Variants in KIAA1217 observed in about 807,000 individuals in gnomAD.
The protein encoded by KIAA1217 is KIAA1217, also known as sickle tail protein homolog.
Under a neutral mutation model 163.9 loss-of-function variants are expected in KIAA1217, and 88 were observed. That is an observed-to-expected ratio of 0.54 (90% CI 0.45 to 0.64). KIAA1217 has a LOEUF of 0.64. KIAA1217 is among the 30% of genes least tolerant of loss of function. The probability of loss-of-function intolerance (pLI) is 0.00; values close to 1 mark genes in which losing one functional copy is unlikely to be tolerated. For synonymous variants in KIAA1217, 903 were observed against 923.1 expected (o/e 0.98, Z 0.39); for missense variants, 2,372 against 2,475.0 (o/e 0.96, Z 0.88).
At chr10:24,233,960 G>T (rs574754580) in intron 2 of KIAA1217, among the ~76,000 whole-genome samples, 1 of 152,120 alleles carries the variant, frequency 6.6e-6, no homozygotes, top group South Asian at 2.1e-4. Context: ...TATAAGTTAT[G>T]TCTTTAACAT....
intron 5 of KIAA1217, 84 bp downstream of exon 5, chr10:24,438,563 C>T: frequency 3.3e-6 from 3 of 901,940 alleles, no homozygotes; most frequent in East Asian, 2.4e-5. Flanking sequence ...GTAATCAGAA[C>T]TCTACAACTG....
chr10:24,219,539 C>A, intron 1 of KIAA1217, 87 bp from the exon 2 acceptor site: 1 of 1,105,404 alleles, frequency 9.0e-7, no homozygotes, highest in Non-Finnish European at 1.2e-6. Flanking sequence ...CATACATTAA[C>A]AACTGCCGCA....
At chr10:24,033,555 T>C (rs1399378030) in intron 2 of KIAA1217, among the ~76,000 whole-genome samples, 1 of 152,200 alleles carries the variant, frequency 6.6e-6, no homozygotes, top group African/African-American at 2.4e-5. Flanking sequence ...CTCAAGTCCC[T>C]CAATGTGATA....
At chr10:23,810,629 T>C (rs1836968876) in intron 1 of KIAA1217, among the ~76,000 whole-genome samples, 2 of 129,952 alleles carry the variant, frequency 1.5e-5, no homozygotes, top group Non-Finnish European at 3.1e-5. Flanking sequence ...TAGTGTCTTA[T>C]ATATAATAAA....
intron 1 of KIAA1217, among the ~76,000 whole-genome samples, chr10:23,790,764 C>T (rs1835909763): frequency 6.6e-6 from 1 of 151,008 alleles, no homozygotes; most frequent in Non-Finnish European, 1.5e-5. Context: ...GACAGGGTCT[C>T]CCTCTGTCAC....
In KIAA1217 at chr10:24,386,640, C is replaced by G. The variant is rs1484453864; in HGVS notation, c.553+5573C>G. 2.0e-5 allele frequency among the ~76,000 whole-genome samples: 3 copies of G among 152,264 alleles called. No homozygotes were observed. The East Asian group carries it at 5.8e-4, about 29-fold the overall frequency. On this transcript the variant is annotated intron_variant, in intron 3 of 20. Coordinates refer to ENST00000376454, the MANE Select transcript of KIAA1217 (RefSeq NM_019590.5). ...CCAGGCTGGAGTACAGTGGCACAAA[C>G]ATAGCTCACTGCAGCCTTGAAGTCC...
chr10:24,302,661 A>G (rs1305267523), intron 2 of KIAA1217, among the ~76,000 whole-genome samples: 1 of 152,198 alleles, frequency 6.6e-6, no homozygotes, highest in Non-Finnish European at 1.5e-5. Flanking sequence ...AAACCAATAG[A>G]TGGCATGCAG....
intron 2 of KIAA1217, among the ~76,000 whole-genome samples, chr10:24,121,407 C>T (rs2063277076): frequency 6.6e-6 from 1 of 152,154 alleles, no homozygotes; most frequent in African/African-American, 2.4e-5. Context: ...TGATTAAGCC[C>T]TTGTAGCTTA....
intron 6 of KIAA1217, among the ~76,000 whole-genome samples, chr10:24,491,286 C>CT (rs1169407580): frequency 0.037 from 4,255 of 114,698 alleles, 204 homozygotes; most frequent in African/African-American, 0.078. Context: ...TTTTTTTTTC[C>CT]TTTTTTTTTT....
intron 1 of KIAA1217, among the ~76,000 whole-genome samples, chr10:23,945,920 T>G (rs1209580322): frequency 6.6e-6 from 1 of 152,176 alleles, no homozygotes; most frequent in African/African-American, 2.4e-5. Context: ...CTACCTGTTT[T>G]CAGCTCCTAG....
At chr10:23,737,365 A>ATTTTT (rs10676755) in intron 1 of KIAA1217, among the ~76,000 whole-genome samples, 43 of 149,726 alleles carry the variant, frequency 2.9e-4, no homozygotes, top group Middle Eastern at 3.4e-3. Context: ...TGCCTAGCTA[A>ATTTTT]TTTTTTTTTA....
intron 17 of KIAA1217, among the ~76,000 whole-genome samples, chr10:24,539,298 A>G (rs762166009): frequency 5.1e-4 from 77 of 151,546 alleles, no homozygotes; most frequent in Non-Finnish European, 9.3e-4. Context: ...GCGCCATCTC[A>G]GCTCACTGCA....
chr10:24,008,587 C>T (rs1847110222), intron 2 of KIAA1217, among the ~76,000 whole-genome samples: 1 of 152,204 alleles, frequency 6.6e-6, no homozygotes, highest in East Asian at 1.9e-4. Flanking sequence ...TAGGTAGGTC[C>T]TGTTTAGTCT....
intron 10 of KIAA1217, among the ~76,000 whole-genome samples, chr10:24,515,852 A>G (rs11014133): frequency 0.018 from 2,766 of 152,266 alleles, 146 homozygotes; most frequent in East Asian, 0.14. Flanking sequence ...TGGGAGAATC[A>G]CTTGGGACCA....
Position 24,356,449 on chromosome 10 carries a change from C to A in KIAA1217, c.355-24420C>A, listed in dbSNP as rs146732839. Reference sequence around the variant, plus strand: ...TAGAGCTCCTGCCCATTAGTCTAGGCCTTCCTTGATAATAACCTTGTGGGG... The same window carrying A: ...TAGAGCTCCTGCCCATTAGTCTAGGACTTCCTTGATAATAACCTTGTGGGG... On this transcript the variant is annotated intron_variant, in intron 2 of 20. Transcript: ENST00000376454. Among the ~76,000 whole-genome samples, 11 of 152,318 alleles carry A rather than the reference C, an allele frequency of 7.2e-5. No homozygotes were observed. In the East Asian group the frequency reaches 2.1e-3, roughly 29 times the overall value.
At chr10:23,736,676 C>G (rs1838823334) in intron 1 of KIAA1217, among the ~76,000 whole-genome samples, 1 of 152,132 alleles carries the variant, frequency 6.6e-6, no homozygotes, top group Non-Finnish European at 1.5e-5. Flanking sequence ...GGACATACCA[C>G]CATGCCTGGC....
intron 1 of KIAA1217, among the ~76,000 whole-genome samples, chr10:23,895,208 C>T (rs1000032319): frequency 2.0e-5 from 3 of 151,886 alleles, no homozygotes; most frequent in African/African-American, 4.8e-5. Flanking sequence ...ACAGGCAACC[C>T]ACAAAATGGG....
At chr10:24,130,593 T>C (rs1296702931) in intron 2 of KIAA1217, among the ~76,000 whole-genome samples, 3 of 152,206 alleles carry the variant, frequency 2.0e-5, no homozygotes, top group Non-Finnish European at 4.4e-5. Context: ...AGTTCCTGCA[T>C]TCTTAATTGA....
intron 2 of KIAA1217, among the ~76,000 whole-genome samples, chr10:24,157,063 C>T (rs73604455): frequency 0.043 from 6,536 of 152,234 alleles, 488 homozygotes; most frequent in African/African-American, 0.15. Flanking sequence ...AGGAAGTACG[C>T]GTTTCAGTTT....
Sources: gnomAD v4.1 joint callset for allele counts (sites outside exome capture counted in the v4.1 genomes callset) on GRCh38, gnomAD v4.1.1 for gene constraint, MANE v1.5 for transcripts, NCBI Gene and HGNC (gene_info 2026-07-23, HGNC 2026-07-21) for gene names.